The following LYVE1 variants were observed in gnomAD, a reference collection of about 807,000 sequenced individuals.
LYVE1 encodes the protein lymphatic vessel endothelial hyaluronic acid receptor 1.
A neutral mutation model predicts 31.5 loss-of-function variants in LYVE1; 29 were observed. The ratio of observed to expected loss-of-function variants is 0.92; its 90% confidence interval spans 0.69 to 1.26. The LOEUF (loss-of-function observed/expected upper bound fraction) is 1.26. Among genes scored for constraint, LYVE1 ranks in the 50% most tolerant of loss-of-function variants. The pLI, the probability that LYVE1 is intolerant of heterozygous loss-of-function variation, is 0.00. For missense variants in LYVE1, 376 were observed against 380.2 expected (o/e 0.99, Z 0.09); for synonymous variants, 134 against 139.4 (o/e 0.96, Z 0.27).
At chr11:10,564,426 C>T (rs1398116344) in intron 1 of LYVE1, 52 bp from the exon 2 acceptor site, 5 of 1,545,406 alleles carry the variant, frequency 3.2e-6, no homozygotes, top group Admixed American at 3.4e-5. Context: ...TGTTTCCAGC[C>T]CTTAGACTCT....
intron 1 of LYVE1, among the ~76,000 whole-genome samples, chr11:10,567,203 T>C (rs1029842580): frequency 3.3e-5 from 5 of 152,224 alleles, no homozygotes; most frequent in African/African-American, 1.2e-4. Flanking sequence ...GATCACTATA[T>C]ACTTGGCCCT....
Position 10,564,376 on chromosome 11 carries a change from T to TA in LYVE1, c.86-3_86-2insT. On this transcript the variant is annotated splice_region_variant and splice_polypyrimidine_tract_variant and intron_variant, in intron 1 of 5. Transcript: ENST00000256178. The stretch of plus-strand genomic sequence containing the variant: ...TGCATGACACCTGGATGGAAAGCTC[T>TA]GCAAAGGAATCACATAGGTCCTCAG... The TA allele has an allele frequency of 6.2e-7, 1 of 1,611,990 alleles. No homozygotes were observed. Among genetic ancestry groups the TA allele is most frequent in the Non-Finnish European group, 8.5e-7 (1 of 1,178,798 alleles).
Position 10,564,290 on chromosome 11 carries a change from G to C in LYVE1, c.170C>G (p.Ala57Gly), listed in dbSNP as rs1249358871. 1 of 1,614,200 alleles carries C rather than the reference G, an allele frequency of 6.2e-7. No homozygotes were observed. Among genetic ancestry groups the C allele is most frequent in the African/African-American group, 1.3e-5 (1 of 75,056 alleles). The change falls in exon 2 of 6, where the codon GCT becomes GGT. Residue 57 changes from alanine (A) to glycine (G), a missense_variant. Physicochemically the swap from Ala to Gly is moderately conservative, Grantham distance 60 (BLOSUM62 0). Transcript: ENST00000256178. ...TCCCAGCAGCCTACAGGCCTCCTTA[G>C]CTTCTGTGAAATTCAGCTGCTGGTT... ...KANQQLNFTE[A>G]KEACRLLGLS...
chr11:10,568,237 A>C (rs1850580713), intron 1 of LYVE1, among the ~76,000 whole-genome samples: 1 of 152,240 alleles, frequency 6.6e-6, no homozygotes, highest in Non-Finnish European at 1.5e-5. Flanking sequence ...TTCCATAACC[A>C]AAAGTAAAAG....
In LYVE1 at chr11:10,564,296, G is replaced by A. The variant is rs375834783; in HGVS notation, c.164C>T (p.Thr55Ile). 2.5e-6 allele frequency: 4 copies of A among 1,614,096 alleles called. No homozygotes were observed. The Admixed American group carries it at 5.0e-5, about 20-fold the overall frequency. ...CAGCCTACAGGCCTCCTTAGCTTCTGTGAAATTCAGCTGCTGGTTCGCCTT... is the reference window on the plus strand; with the variant it reads ...CAGCCTACAGGCCTCCTTAGCTTCTATGAAATTCAGCTGCTGGTTCGCCTT... ...SKKANQQLNF[T>I]EAKEACRLLG... The change falls in exon 2 of 6, where the codon ACA becomes ATA. Residue 55 changes from threonine to isoleucine, a missense_variant. Transcript: ENST00000256178.
rs553314813 is a variant in LYVE1 at position 10,559,138 on chromosome 11, G to C, written c.942C>G (p.Thr314=). 42 of 1,613,904 alleles carry C rather than the reference G, an allele frequency of 2.6e-5. No individual in the cohort carries two copies. In the South Asian group the frequency reaches 4.5e-4, roughly 17 times the overall value. The part of the protein sequence containing the change: ...PEESKSPSKT[T]VRCLEAEV ...AAACTTCAGCTTCCAGGCATCGCAC[G>C]GTAGTTTTGCTTGGACTCTTGGACT... Residue 314 remains threonine, a synonymous_variant, in exon 6 of 6, where the codon ACC becomes ACG. Transcript: ENST00000256178.
intron 5 of LYVE1, among the ~76,000 whole-genome samples, 174 bp downstream of exon 5, chr11:10,559,642 G>T (rs1364868852): frequency 6.6e-6 from 1 of 152,114 alleles, no homozygotes; most frequent in African/African-American, 2.4e-5. Flanking sequence ...CGACATGCAT[G>T]TCCTGAAATA....
intron 2 of LYVE1, 44 bp from the exon 3 acceptor site, chr11:10,564,123 G>C (rs376994311): frequency 6.2e-7 from 1 of 1,614,056 alleles, no homozygotes; most frequent in Non-Finnish European, 8.5e-7. Flanking sequence ...ATGATTAGAA[G>C]GCTTCATCTC....
chr11:10,563,374 C>T (rs931684536), intron 3 of LYVE1, among the ~76,000 whole-genome samples: 1 of 152,112 alleles, frequency 6.6e-6, no homozygotes, highest in Non-Finnish European at 1.5e-5. Flanking sequence ...AGAAAAATAA[C>T]AATACAACAA....
intron 3 of LYVE1, among the ~76,000 whole-genome samples, chr11:10,563,255 C>T (rs768776702): frequency 2.3e-4 from 35 of 152,174 alleles, no homozygotes; most frequent in Middle Eastern, 3.4e-3. Context: ...GGCCTGAACT[C>T]GGTTTCTTTA....
rs1338564200 is a variant in LYVE1, at chr11:10,564,365, A to G, written c.95T>C (p.Ile32Thr). The G allele has an allele frequency of 1.2e-6, 2 of 1,613,412 alleles. No individual in the cohort carries two copies. The highest frequency in any genetic ancestry group is 3.3e-5 in the Admixed American group (2 of 60,006). The change falls in exon 2 of 6, where the codon ATC becomes ACC. Residue 32 changes from isoleucine to threonine, a missense_variant. Physicochemically the swap from Ile to Thr is moderately conservative, Grantham distance 89. Transcript: ENST00000256178. ...CCCCATAATTCTGCATGACACCTGG[A>G]TGGAAAGCTCTGCAAAGGAATCACA... Reference protein sequence around the residue: ...QGSLRAEELSIQVSCRIMGIT... With the variant: ...QGSLRAEELSTQVSCRIMGIT...
chr11:10,560,370 T>C (rs1850396404), intron 4 of LYVE1, 125 bp downstream of exon 4: 2 of 783,418 alleles, frequency 2.6e-6, no homozygotes, highest in Non-Finnish European at 2.0e-6. Context: ...GTTGAGTTTG[T>C]GTTAAGCTTT....
chr11:10,565,177 A>G (rs1478558118), intron 1 of LYVE1, among the ~76,000 whole-genome samples: 2 of 152,228 alleles, frequency 1.3e-5, no homozygotes, highest in Non-Finnish European at 2.9e-5. Context: ...TGCCTGCCAC[A>G]TGGTAGGTGC....
chr11:10,563,463 T>C (rs112428368), intron 3 of LYVE1, among the ~76,000 whole-genome samples: 3,514 of 152,258 alleles, frequency 0.023, 121 homozygotes, highest in African/African-American at 0.08. Flanking sequence ...AGTTTAGAGA[T>C]GATTTAAAGT....
chr11:10,560,564 T>C lies in LYVE1; in HGVS notation c.634A>G (p.Met212Val). Residue 212 changes from methionine to valine, a missense_variant, in exon 4 of 6, where the codon ATG becomes GTG. By Grantham distance (21) the Met-to-Val change is conservative. Coordinates refer to ENST00000256178, the MANE Select transcript of LYVE1 (RefSeq NM_006691.4). ...ACAAATGGTTCAGTTTCTGTAGACA[T>C]GGTGCTAGTTTCCATAAAAACTTCT... ...VTEVFMETST[M>V]STETEPFVEN... 6.2e-7 allele frequency: 1 copy of C among 1,614,056 alleles called. No homozygotes were observed. Among genetic ancestry groups the C allele is most frequent in the Non-Finnish European group, 8.5e-7 (1 of 1,179,942 alleles).
chr11:10,561,066 T>G lies in LYVE1; in HGVS notation c.398-266A>C, dbSNP rs72861056. On this transcript the variant is annotated intron_variant, in intron 3 of 5. Coordinates refer to ENST00000256178, the MANE Select transcript of LYVE1 (RefSeq NM_006691.4). ...CTCATTGCCCCTGCCATACTGAAAT[T>G]ACTTGAAATTCCTTGATACACTTTA... is the stretch of plus-strand genomic sequence containing the variant. 3.5e-3 allele frequency among the ~76,000 whole-genome samples: 538 copies of G among 152,342 alleles called. 2 individuals are homozygous for G. Among genetic ancestry groups the G allele is most frequent in the Non-Finnish European group, 5.6e-3 (378 of 68,022 alleles).
rs1591518443 is a variant in LYVE1 at position 10,568,641 on chromosome 11, G to A, written c.-109C>T. 6 of 1,386,114 alleles carry A rather than the reference G, an allele frequency of 4.3e-6. No individual in the cohort carries two copies. Among genetic ancestry groups the A allele is most frequent in the Non-Finnish European group, 5.7e-6 (6 of 1,059,330 alleles). The allele number at this position is 1,386,114 out of a possible 1,614,324, so 85.9% of individuals were successfully genotyped here. On this transcript the variant is annotated 5_prime_UTR_variant, in exon 1 of 6. Transcript: ENST00000256178. ...TGGAGAGTTCTGGAACTATGTTGAGGCTCACACTCACTGCTCCACTTCATA... is the reference window on the plus strand; with the variant it reads ...TGGAGAGTTCTGGAACTATGTTGAGACTCACACTCACTGCTCCACTTCATA...
chr11:10,558,387 T>C lies in LYVE1; in HGVS notation c.*724A>G, dbSNP rs546534428. On this transcript the variant is annotated 3_prime_UTR_variant, in exon 6 of 6. Coordinates refer to ENST00000256178, the MANE Select transcript of LYVE1 (RefSeq NM_006691.4). ...GTAAAAGTATATTTCCTAGAGAAAA[T>C]ATCAGCAGTGGTAGAGACCAGAAAA... is the stretch of plus-strand genomic sequence containing the variant. The C allele has an allele frequency of 2.6e-5, 4 of 152,340 alleles. No individual in the cohort carries two copies. Among genetic ancestry groups the C allele is most frequent in the Admixed American group, 2.6e-4 (4 of 15,304 alleles). 9.4% of individuals were successfully genotyped at this position (152,340 alleles called of 1,614,324 possible). A position where few individuals can be genotyped will look rare whatever the true frequency, so the allele number is the denominator to read the frequency against.
At chr11:10,568,366 T>C (rs1850583832) in intron 1 of LYVE1, 82 bp downstream of exon 1, 3 of 1,424,988 alleles carry the variant, frequency 2.1e-6, no homozygotes, top group Admixed American at 3.9e-5. Context: ...GTCACCCTCA[T>C]TCCCAGAAAT....
Sources: gnomAD v4.1 joint callset for allele counts (sites outside exome capture counted in the v4.1 genomes callset) on GRCh38, gnomAD v4.1.1 for gene constraint, MANE v1.5 for transcripts, NCBI Gene and HGNC (gene_info 2026-07-23, HGNC 2026-07-21) for gene names.